The following DIXDC1 variants were observed in gnomAD, a reference collection of about 807,000 sequenced individuals.
DIXDC1 encodes dixin.
In DIXDC1, 64 loss-of-function variants were observed where a neutral mutation model predicts 103.1. The ratio of observed to expected loss-of-function variants is 0.62; its 90% CI spans 0.51 to 0.76. The LOEUF (loss-of-function observed/expected upper bound fraction) is 0.76, where lower values mean the gene tolerates loss of function less well. Among genes scored for constraint, DIXDC1 ranks in the 30% least tolerant of loss-of-function variants. The pLI is 0.00. For missense variants in DIXDC1, 759 were observed against 834.2 expected (o/e 0.91, Z 1.11); for synonymous variants, 266 against 298.5 (o/e 0.89, Z 1.12).
rs1048001363 is a variant in DIXDC1, at chr11:111,976,607, C to T, written c.656+1624C>T. On this transcript the variant is annotated intron_variant, in intron 5 of 19. Coordinates refer to ENST00000440460, the MANE Select transcript of DIXDC1 (RefSeq NM_001037954.4). The surrounding 1 kb of genome is among the most constrained non-coding windows in gnomAD (Gnocchi z 4.3). ...AGCAGGTTCCCGCACATTCTGAGCC[C>T]TCGCCCCCAGGGAGCCCACTTAGTG... is the stretch of plus-strand genomic sequence containing the variant. Among the ~76,000 whole-genome samples, 1 of 152,068 alleles carries T rather than the reference C, an allele frequency of 6.6e-6. No homozygotes were observed. Among genetic ancestry groups the T allele is most frequent in the African/African-American group, 2.4e-5 (1 of 41,392 alleles).
At chr11:111,936,117 A>G (rs145482490), upstream of DIXDC1, among the ~76,000 whole-genome samples, 414 of 152,360 alleles carry the variant, frequency 2.7e-3, no homozygotes, top group African/African-American at 9.2e-3. Flanking sequence ...CCAGAAAATC[A>G]TAAGTGTAGA....
intron 5 of DIXDC1, chr11:111,975,452 A>G: frequency 2.0e-6 from 2 of 1,007,098 alleles, no homozygotes; most frequent in East Asian, 1.9e-4. Flanking sequence ...CCTCTACAGG[A>G]ACTGTGGCTG....
chr11:112,018,009 A>C lies in DIXDC1; in HGVS notation c.1971+124A>C. The C allele has an allele frequency of 6.1e-6, 4 of 657,174 alleles. No individual in the cohort carries two copies. The South Asian group carries it at 9.1e-5, about 15-fold the overall frequency. 40.7% of individuals were successfully genotyped at this position (657,174 alleles called of 1,614,324 possible). On this transcript the variant is annotated intron_variant, in intron 19 of 19. Coordinates refer to ENST00000440460, the MANE Select transcript of DIXDC1 (RefSeq NM_001037954.4). ...TGACTAGGTCAGAAGAATTTGCCAGAGCCTCAGACCATGGTCTGATTACTC... is the reference window on the plus strand; with the variant it reads ...TGACTAGGTCAGAAGAATTTGCCAGCGCCTCAGACCATGGTCTGATTACTC...
intron 2 of DIXDC1, chr11:111,930,027 A>G: frequency 1.3e-5 from 13 of 980,290 alleles, no homozygotes; most frequent in Non-Finnish European, 1.9e-5. Context: ...ATTTTAATAT[A>G]TTTGTCTTTT....
rs1555178106 is a variant in DIXDC1 at position 112,018,972 on chromosome 11, A to T, written c.1988A>T (p.Asp663Val). 3 of 1,613,122 alleles carry T rather than the reference A, an allele frequency of 1.9e-6. No homozygotes were observed. The highest frequency in any genetic ancestry group is 2.2e-5 in the East Asian group (1 of 44,842). Residue 663 changes from aspartate (D) to valine (V), a missense_variant, in exon 20 of 20, where the codon GAT becomes GTT. Asp to Val is a radical substitution (Grantham distance 152, BLOSUM62 -3). Coordinates refer to ENST00000440460, the MANE Select transcript of DIXDC1 (RefSeq NM_001037954.4). ...TVKEEIFHDD[D>V]AIPGWEGKIV... Reference sequence around the variant, plus strand: ...TTTCTCTAGATTTTCCATGATGATGATGCCATCCCTGGATGGGAAGGGAAA... The same window carrying T: ...TTTCTCTAGATTTTCCATGATGATGTTGCCATCCCTGGATGGGAAGGGAAA...
intron 17 of DIXDC1, among the ~76,000 whole-genome samples, chr11:112,010,385 A>G (rs1404420659): frequency 1.3e-5 from 2 of 152,248 alleles, no homozygotes; most frequent in African/African-American, 2.4e-5. Context: ...TGCCCAAGGT[A>G]ATTTATAGAT....
chr11:112,006,323 C>A (rs1049262516), intron 17 of DIXDC1, among the ~76,000 whole-genome samples: 8 of 152,084 alleles, frequency 5.3e-5, no homozygotes, highest in Admixed American at 2.6e-4. Context: ...TCAGCTAGGC[C>A]TGCTGATTCT....
intron 17 of DIXDC1, among the ~76,000 whole-genome samples, chr11:111,999,966 T>C (rs1194909854): frequency 6.6e-6 from 1 of 152,042 alleles, no homozygotes; most frequent in Non-Finnish European, 1.5e-5. Context: ...CGAAACCCTG[T>C]CTCTACTAAA....
chr11:111,985,761 C>T (rs1423540227), intron 8 of DIXDC1, among the ~76,000 whole-genome samples: 1 of 152,120 alleles, frequency 6.6e-6, no homozygotes, highest in East Asian at 1.9e-4. Flanking sequence ...ATTTCCAGCT[C>T]AGCTCTTGCT....
At position 111,974,078 on chromosome 11, in the gene DIXDC1, T is replaced by C; in HGVS notation, c.372T>C (p.Ala124=). Residue 124 remains alanine (A), a synonymous_variant, in exon 4 of 20, where the codon GCT becomes GCC. Coordinates refer to ENST00000440460, the MANE Select transcript of DIXDC1 (RefSeq NM_001037954.4). The part of the protein sequence containing the change: ...SIMRLVLALA[A]HFKPGSSRTV... Reference sequence around the variant, plus strand: ...TGAGGCTGGTCCTTGCCTTGGCAGCTCATTTCAAACCTGGCTCCAGCAGGA... The same window carrying C: ...TGAGGCTGGTCCTTGCCTTGGCAGCCCATTTCAAACCTGGCTCCAGCAGGA... 1 of 1,614,030 alleles carries C rather than the reference T, an allele frequency of 6.2e-7. No individual in the cohort carries two copies. Among genetic ancestry groups the C allele is most frequent in the Non-Finnish European group, 8.5e-7 (1 of 1,179,906 alleles).
At chr11:112,000,415 C>T (rs1861030054) in intron 17 of DIXDC1, among the ~76,000 whole-genome samples, 1 of 151,992 alleles carries the variant, frequency 6.6e-6, no homozygotes, top group Admixed American at 6.6e-5. Context: ...AAAGAAATGG[C>T]CAGCCAGGTG....
chr11:111,964,325 G>C (rs1195334119), intron 1 of DIXDC1, among the ~76,000 whole-genome samples: 3 of 152,176 alleles, frequency 2.0e-5, no homozygotes, highest in African/African-American at 7.2e-5. Context: ...CCAAGTCCGA[G>C]GTTAGCTTAT....
intron 1 of DIXDC1, among the ~76,000 whole-genome samples, chr11:111,953,746 G>A (rs1468841194): frequency 6.6e-6 from 1 of 152,180 alleles, no homozygotes; most frequent in Admixed American, 6.5e-5. Flanking sequence ...AACCACAGTG[G>A]AAGGAGTGGA....
chr11:111,989,311 A>G (rs1555174238), intron 10 of DIXDC1, among the ~76,000 whole-genome samples: 1 of 152,102 alleles, frequency 6.6e-6, no homozygotes, highest in African/African-American at 2.4e-5. Flanking sequence ...TATGTAAAAG[A>G]ATCCTCTTCA....
intron 2 of DIXDC1, among the ~76,000 whole-genome samples, chr11:111,966,504 C>T (rs782608853): frequency 6.7e-6 from 1 of 149,384 alleles, no homozygotes; most frequent in Non-Finnish European, 1.5e-5. Flanking sequence ...CCCGGGTTCA[C>T]GCCATTCTCC....
chr11:112,017,979 T>G lies in DIXDC1; in HGVS notation c.1971+94T>G. ...GCACTAGTGTCCAGAAGTACATGAG[T>G]TCCCTGACTAGGTCAGAAGAATTTG... On this transcript the variant is annotated intron_variant, in intron 19 of 19. Transcript: ENST00000440460. This position sits in a 1 kb window ranked among gnomAD's most constrained non-coding sequence, Gnocchi z 4.0. The G allele has an allele frequency of 1.1e-6, 1 of 946,534 alleles. No homozygotes were observed. Among genetic ancestry groups the G allele is most frequent in the Non-Finnish European group, 1.6e-6 (1 of 628,650 alleles). The allele number at this position is 946,534 out of a possible 1,614,324, so 58.6% of individuals were successfully genotyped here. A position where few individuals can be genotyped will look rare whatever the true frequency, so the allele number is the denominator to read the frequency against.
intron 1 of DIXDC1, among the ~76,000 whole-genome samples, chr11:111,947,766 G>T (rs587666917): frequency 2.2e-4 from 34 of 152,292 alleles, no homozygotes; most frequent in African/African-American, 8.2e-4. Context: ...ACAGATTCAC[G>T]TCAGCATGCA....
At chr11:111,954,958 A>G (rs587760958) in intron 1 of DIXDC1, among the ~76,000 whole-genome samples, 4 of 152,262 alleles carry the variant, frequency 2.6e-5, no homozygotes, top group Middle Eastern at 3.4e-3. Context: ...CCATACATTC[A>G]TATATATGTC....
chr11:112,016,956 T>G (rs1166474366), intron 18 of DIXDC1, among the ~76,000 whole-genome samples, 160 bp downstream of exon 18: 2 of 152,140 alleles, frequency 1.3e-5, no homozygotes, highest in Non-Finnish European at 2.9e-5. Context: ...TAGTTTCAGC[T>G]TTGCCACTAT....
Sources: gnomAD v4.1 joint callset for allele counts (sites outside exome capture counted in the v4.1 genomes callset) on GRCh38, gnomAD v4.1.1 for gene constraint, Gnocchi (gnomAD v3.1) non-coding constraint, MANE v1.5 for transcripts, NCBI Gene and HGNC (gene_info 2026-07-23, HGNC 2026-07-21) for gene names.